BABAM2: variants seen among roughly 807,000 people sequenced by gnomAD.
BABAM2 encodes BRISC and BRCA1 A complex member 2, also known as BRISC and BRCA1-A complex member 2.
In BABAM2, 31 loss-of-function variants were observed where a neutral mutation model predicts 54.7. The observed-to-expected ratio is 0.57, with a 90% CI of 0.43 to 0.77. BABAM2 has a LOEUF of 0.77. Among genes scored for constraint, BABAM2 ranks in the 30% least tolerant of loss-of-function variants. The probability of loss-of-function intolerance (pLI) is 0.00; values close to 1 mark genes in which losing one functional copy is unlikely to be tolerated. For synonymous variants in BABAM2, 167 were observed against 162.9 expected, an observed-to-expected ratio of 1.03 and a Z score of -0.19; for missense variants, 364 against 455.8, an observed-to-expected ratio of 0.80 and a Z score of 1.83.
intron 6 of BABAM2, among the ~76,000 whole-genome samples, chr2:28,100,778 G>A (rs1357589317): frequency 6.6e-6 from 1 of 152,156 alleles, no homozygotes; most frequent in East Asian, 1.9e-4. Flanking sequence ...GGCAAGTGTG[G>A]GCTGTTGGTC....
rs142614535 is a variant in BABAM2 at position 28,267,347 on chromosome 2, A to G, written c.934+22485A>G. Among the ~76,000 whole-genome samples, 106 of 151,928 alleles carry G rather than the reference A, an allele frequency of 7.0e-4. 1 individual carries two copies. Among genetic ancestry groups the G allele is most frequent in the African/African-American group, 2.3e-3 (96 of 41,406 alleles). On this transcript the variant is annotated intron_variant, in intron 10 of 11. Transcript: ENST00000379624. ...TCCCTCCTGGTGCTTTTATCTCCAC[A>G]AGTCCCTCACTCCCCCATAAATGCA...
At chr2:28,125,324 C>T (rs1015162006) in intron 6 of BABAM2, among the ~76,000 whole-genome samples, 2 of 151,746 alleles carry the variant, frequency 1.3e-5, no homozygotes, top group Non-Finnish European at 2.9e-5. Context: ...GACAGAGTCT[C>T]ACTCTGTCAG....
chr2:28,281,142 C>T (rs1464677730), intron 10 of BABAM2, among the ~76,000 whole-genome samples: 1 of 152,138 alleles, frequency 6.6e-6, no homozygotes, highest in Admixed American at 6.5e-5. Flanking sequence ...CTATACCACA[C>T]CTTAGAAGGA....
At chr2:28,124,222 T>C (rs1470709012) in intron 6 of BABAM2, among the ~76,000 whole-genome samples, 1 of 152,244 alleles carries the variant, frequency 6.6e-6, no homozygotes, top group Non-Finnish European at 1.5e-5. Context: ...CTTCTACACT[T>C]AGATCATAAA....
chr2:28,172,107 GT>G (rs1674385286), intron 7 of BABAM2, among the ~76,000 whole-genome samples: 1 of 151,796 alleles, frequency 6.6e-6, no homozygotes, highest in Non-Finnish European at 1.5e-5. Context: ...GTGTGTGTGT[GT>G]GTGTGTGGTG....
intron 5 of BABAM2, among the ~76,000 whole-genome samples, chr2:28,037,803 C>T (rs1676772126): frequency 2.0e-5 from 3 of 152,260 alleles, no homozygotes; most frequent in Admixed American, 1.3e-4. Flanking sequence ...CAGCTCAGAG[C>T]TCCGAGCAAA....
At chr2:28,204,178 T>A (rs1168754818) in intron 7 of BABAM2, among the ~76,000 whole-genome samples, 2 of 152,250 alleles carry the variant, frequency 1.3e-5, no homozygotes, top group Non-Finnish European at 2.9e-5. Flanking sequence ...TTTGTTATTA[T>A]CTTTTCCCTA....
chr2:28,170,536 T>C (rs1045220507), intron 7 of BABAM2, among the ~76,000 whole-genome samples: 5 of 152,094 alleles, frequency 3.3e-5, no homozygotes, highest in African/African-American at 1.2e-4. Context: ...AATTTAGCTA[T>C]TAATACTGAA....
chr2:28,046,686 ATAT>A (rs1421145333), intron 6 of BABAM2, among the ~76,000 whole-genome samples: 10 of 152,122 alleles, frequency 6.6e-5, no homozygotes, highest in Admixed American at 4.6e-4. Flanking sequence ...TCAATAAATA[ATAT>A]TAGATATTAA....
At chr2:28,041,891 A>C (rs145458134) in intron 5 of BABAM2, among the ~76,000 whole-genome samples, 11 of 152,326 alleles carry the variant, frequency 7.2e-5, no homozygotes, top group African/African-American at 2.6e-4. Context: ...ACAAGGGCTG[A>C]CAGAGTTAGG....
rs532383093 is a variant in BABAM2, at chr2:28,172,988, C to T, written c.680+43608C>T. Among the ~76,000 whole-genome samples the T allele has an allele frequency of 3.5e-4, 53 of 152,322 alleles. 1 individual carries two copies. Among genetic ancestry groups the T allele is most frequent in the African/African-American group, 1.2e-3 (50 of 41,564 alleles). On this transcript the variant is annotated intron_variant, in intron 7 of 11. Transcript: ENST00000379624. Reference sequence around the variant, plus strand: ...TTCCTGGCTTGCAGATGGCAGCCTTCTCGCCGTGTCCTCTTATGGCAGAGA... The same window carrying T: ...TTCCTGGCTTGCAGATGGCAGCCTTTTCGCCGTGTCCTCTTATGGCAGAGA...
intron 10 of BABAM2, among the ~76,000 whole-genome samples, chr2:28,250,081 G>T (rs1430482374): frequency 2.6e-5 from 4 of 152,158 alleles, no homozygotes; most frequent in Non-Finnish European, 4.4e-5. Flanking sequence ...CTGTGAGGAA[G>T]ATGAGGAAGA....
At chr2:28,011,800 A>G (rs1187544406) in intron 4 of BABAM2, among the ~76,000 whole-genome samples, 1 of 147,538 alleles carries the variant, frequency 6.8e-6, no homozygotes, top group African/African-American at 2.5e-5. Context: ...ATCAGAATCT[A>G]CTGTGGGGTC....
At chr2:27,946,341 A>G (rs949978833) in intron 3 of BABAM2, among the ~76,000 whole-genome samples, 10 of 152,218 alleles carry the variant, frequency 6.6e-5, no homozygotes, top group Non-Finnish European at 4.4e-5. Flanking sequence ...CATTCTGCAG[A>G]TTAATTCCGC....
intron 3 of BABAM2, among the ~76,000 whole-genome samples, chr2:27,948,736 A>C (rs1475028293): frequency 6.6e-6 from 1 of 152,108 alleles, no homozygotes. Flanking sequence ...ACGCCACTGC[A>C]CTCCAGCCTG....
chr2:28,149,051 A>G (rs952980132), intron 7 of BABAM2, among the ~76,000 whole-genome samples: 1 of 152,202 alleles, frequency 6.6e-6, no homozygotes, highest in African/African-American at 2.4e-5. Flanking sequence ...CTGTTATAGA[A>G]TATGTCACTC....
chr2:28,204,957 G>GT (rs933906946), intron 7 of BABAM2, among the ~76,000 whole-genome samples: 11 of 145,632 alleles, frequency 7.6e-5, no homozygotes, highest in South Asian at 2.2e-4. Flanking sequence ...CAGTAAAAAA[G>GT]TTTTTTTTTA....
intron 7 of BABAM2, among the ~76,000 whole-genome samples, chr2:28,150,666 T>C (rs1671936967): frequency 6.6e-6 from 1 of 152,212 alleles, no homozygotes; most frequent in Admixed American, 6.5e-5. Flanking sequence ...TGCTTCTCTC[T>C]TGGAAAGACC....
intron 6 of BABAM2, among the ~76,000 whole-genome samples, chr2:28,106,477 T>C (rs1029116734): frequency 1.3e-5 from 2 of 152,242 alleles, no homozygotes; most frequent in Admixed American, 6.5e-5. Context: ...AGTTTGTCCT[T>C]GACATTTACA....
Sources: allele counts gnomAD v4.1 joint callset (sites outside exome capture counted in the v4.1 genomes callset), GRCh38; gene constraint gnomAD v4.1.1; transcripts MANE v1.5; gene names NCBI Gene and HGNC (gene_info 2026-07-23, HGNC 2026-07-21).